AAMDC: variants seen among roughly 807,000 people sequenced by gnomAD.
The protein encoded by AAMDC is mth938 domain-containing protein.
Under a neutral mutation model 15.5 loss-of-function variants are expected in AAMDC, and 16 were observed. The observed-to-expected ratio is 1.03, with a 90% CI of 0.70 to 1.57. The LOEUF (loss-of-function observed/expected upper bound fraction) is 1.57, where lower values mean the gene tolerates loss of function less well. Among genes scored for constraint, AAMDC ranks in the 40% most tolerant of loss-of-function variants. The pLI, the probability that AAMDC is intolerant of heterozygous loss-of-function variation, is 0.00. For missense variants in AAMDC, 141 were observed against 144.9 expected (o/e 0.97, Z 0.14); for synonymous variants, 51 against 51.6 (o/e 0.99, Z 0.05).
chr11:77,863,903 G>T (rs1473362717), intron 2 of AAMDC, among the ~76,000 whole-genome samples: 1 of 151,984 alleles, frequency 6.6e-6, no homozygotes, highest in Non-Finnish European at 1.5e-5. Flanking sequence ...GATAAAATTT[G>T]CAAATAGTTT....
chr11:77,832,357 G>A (rs183032424), intron 1 of AAMDC, among the ~76,000 whole-genome samples: 23 of 150,178 alleles, frequency 1.5e-4, no homozygotes, highest in Middle Eastern at 3.4e-3. Flanking sequence ...ACGGCGTTTC[G>A]CTCTTGTTGC....
chr11:77,847,779 A>G (rs1352347136), intron 2 of AAMDC, among the ~76,000 whole-genome samples: 1 of 152,172 alleles, frequency 6.6e-6, no homozygotes. Flanking sequence ...TCTCCAGAAA[A>G]ACAGAACTAG....
rs111756223 is a variant in AAMDC, at chr11:77,857,757, C to T, written c.133-11965C>T. On this transcript the variant is annotated intron_variant, in intron 2 of 3. Coordinates refer to ENST00000393427, the MANE Select transcript of AAMDC (RefSeq NM_024684.4). Reference sequence around the variant, plus strand: ...TGTCACCCAGGCTGGAGGGCATTGGCGTAATCTTGGCTCACTGCAGCCTCC... The same window carrying T: ...TGTCACCCAGGCTGGAGGGCATTGGTGTAATCTTGGCTCACTGCAGCCTCC... Among the ~76,000 whole-genome samples, 751 of 146,256 alleles carry T rather than the reference C, an allele frequency of 5.1e-3. 9 individuals are homozygous for T. The highest frequency in any genetic ancestry group is 0.018 in the African/African-American group (717 of 39,590).
chr11:77,840,462 G>A (rs1002099527), intron 1 of AAMDC, among the ~76,000 whole-genome samples: 4 of 152,182 alleles, frequency 2.6e-5, no homozygotes, highest in African/African-American at 9.6e-5. Flanking sequence ...CCCGGAGGTG[G>A]AGGTTGCAGT....
chr11:77,827,539 T>A (rs143139078), intron 1 of AAMDC, among the ~76,000 whole-genome samples: 223 of 152,308 alleles, frequency 1.5e-3, no homozygotes, highest in African/African-American at 5.1e-3. Context: ...AACATAGTCA[T>A]CTCAATAGAT....
At chr11:77,886,403 T>C (rs1035383141) in intron 5 of AAMDC, among the ~76,000 whole-genome samples, 1 of 152,166 alleles carries the variant, frequency 6.6e-6, no homozygotes, top group Non-Finnish European at 1.5e-5. Flanking sequence ...TACAGTAACC[T>C]AGATTAGGCT....
Position 77,891,199 on chromosome 11 carries a change from G to A in AAMDC, c.329-9372G>A, listed in dbSNP as rs1326878551. The A allele has an allele frequency of 3.0e-5, 26 of 875,566 alleles. No homozygotes were observed. The South Asian group carries it at 3.6e-4, about 12-fold the overall frequency. 54.2% of individuals were successfully genotyped at this position (875,566 alleles called of 1,614,324 possible). On this transcript the variant is annotated intron_variant, in intron 5 of 5. Transcript: ENST00000304716. ...CAAGCCTAGGTTCTTTCCCACAGAG[G>A]CTCATTTCTTCTCCTGTCCCAGTTT...
At chr11:77,896,730 T>C (rs1280804167) in intron 5 of AAMDC, among the ~76,000 whole-genome samples, 2 of 139,776 alleles carry the variant, frequency 1.4e-5, no homozygotes, top group Non-Finnish European at 3.2e-5. Context: ...AGAAAAGGTA[T>C]AGGAAAAATA....
downstream of AAMDC, chr11:77,900,862 T>C (rs142692667): frequency 7.2e-4 from 371 of 513,176 alleles, no homozygotes; most frequent in African/African-American, 5.7e-3. Context: ...GCTAAGTGTT[T>C]TTACATGTAT....
chr11:77,883,261 C>T (rs996728340), intron 5 of AAMDC, among the ~76,000 whole-genome samples: 8 of 152,098 alleles, frequency 5.3e-5, no homozygotes, highest in Non-Finnish European at 1.2e-4. Context: ...GCCAATTCTG[C>T]CCCCTATTCT....
chr11:77,903,447 C>T (rs377572104), downstream of AAMDC: 10 of 1,605,318 alleles, frequency 6.2e-6, no homozygotes, highest in South Asian at 1.1e-4. Context: ...AAGGCCTACA[C>T]AGACAGAGCT....
intron 1 of AAMDC, among the ~76,000 whole-genome samples, chr11:77,833,459 T>G (rs1308115669): frequency 6.6e-6 from 1 of 152,176 alleles, no homozygotes; most frequent in Non-Finnish European, 1.5e-5. Context: ...GATCATCTAA[T>G]GCTGCTGCTG....
intron 1 of AAMDC, among the ~76,000 whole-genome samples, chr11:77,841,731 AG>A (rs1463115784): frequency 6.6e-6 from 1 of 152,132 alleles, no homozygotes; most frequent in African/African-American, 2.4e-5. Flanking sequence ...GAGCTTATAA[AG>A]CCCCCTGTGG....
chr11:77,895,908 A>G (rs544906759), intron 5 of AAMDC, among the ~76,000 whole-genome samples: 2 of 152,340 alleles, frequency 1.3e-5, no homozygotes, highest in East Asian at 3.9e-4. Context: ...GAAAGCTATG[A>G]AAGTGAGGCT....
chr11:77,887,114 G>T (rs1952047735), intron 5 of AAMDC, among the ~76,000 whole-genome samples: 1 of 151,974 alleles, frequency 6.6e-6, no homozygotes, highest in Admixed American at 6.6e-5. Flanking sequence ...AGAACTGAAG[G>T]AAATAGAGAC....
intron 2 of AAMDC, among the ~76,000 whole-genome samples, chr11:77,857,896 C>T (rs913781907): frequency 1.3e-5 from 2 of 152,040 alleles, no homozygotes; most frequent in East Asian, 3.9e-4. Context: ...AGGGTTTCAC[C>T]ATATTGGCCA....
chr11:77,835,356 G>T (rs1278083346), intron 1 of AAMDC, among the ~76,000 whole-genome samples: 6 of 152,104 alleles, frequency 3.9e-5, no homozygotes, highest in Non-Finnish European at 8.8e-5. Flanking sequence ...GCTGAAACCT[G>T]GAAGCCACCT....
chr11:77,883,780 G>T, intron 5 of AAMDC: 1 of 1,594,310 alleles, frequency 6.3e-7, no homozygotes, highest in Non-Finnish European at 8.6e-7. Context: ...TTAAGGGTAG[G>T]TGTGATCTCC....
intron 5 of AAMDC, among the ~76,000 whole-genome samples, chr11:77,893,317 C>T (rs1353950868): frequency 6.6e-6 from 1 of 152,182 alleles, no homozygotes; most frequent in Non-Finnish European, 1.5e-5. Flanking sequence ...AGTGTAAGAA[C>T]AGTGTGGGCC....
Sources: gnomAD v4.1 joint callset for allele counts (sites outside exome capture counted in the v4.1 genomes callset) on GRCh38, gnomAD v4.1.1 for gene constraint, MANE v1.5 for transcripts, NCBI Gene and HGNC (gene_info 2026-07-23, HGNC 2026-07-21) for gene names.